The following SCN3A variants were observed in gnomAD, a reference collection of about 807,000 sequenced individuals.
SCN3A encodes the protein sodium channel protein type 3 subunit alpha.
Under a neutral mutation model 187.6 loss-of-function variants are expected in SCN3A, and 60 were observed. The ratio of observed to expected loss-of-function variants is 0.32; its 90% confidence interval spans 0.26 to 0.40. SCN3A has a LOEUF of 0.40. Ranked by LOEUF, SCN3A falls within the 10% of genes least tolerant of loss-of-function variation. The pLI, the probability that SCN3A is intolerant of heterozygous loss-of-function variation, is 1.00. For missense variants in SCN3A, 1,601 were observed against 2,428.2 expected, an observed-to-expected ratio of 0.66 and a Z score of 7.16; for synonymous variants, 788 against 829.2, an observed-to-expected ratio of 0.95 and a Z score of 0.85.
intron 15 of SCN3A, among the ~76,000 whole-genome samples, chr2:165,136,666 G>A (rs923762109): frequency 6.6e-6 from 1 of 152,160 alleles, no homozygotes; most frequent in Non-Finnish European, 1.5e-5. Context: ...CAGCCTTTTT[G>A]GGTAGTTATC....
chr2:165,146,382 A>ATGTGTGTGTGTGTGTG lies in SCN3A; in HGVS notation c.1671+341_1671+356dup, dbSNP rs5836018. Among the ~76,000 whole-genome samples the ATGTGTGTGTGTGTGTG allele has an allele frequency of 1.7e-4, 18 of 107,872 alleles. No individual in the cohort carries two copies. The South Asian group carries it at 5.7e-3, about 34-fold the overall frequency. The allele number at this position is 107,872 out of a possible 152,430, so 70.8% of individuals were successfully genotyped here. On this transcript the variant is annotated intron_variant, in intron 12 of 27. Coordinates refer to ENST00000283254, the MANE Select transcript of SCN3A (RefSeq NM_006922.4). ...GCTAGTGTAGGTTATATATATATATATGTGTGTGTGTGTGTGTGTGTGTGT... is the reference window on the plus strand; with the variant it reads ...GCTAGTGTAGGTTATATATATATATATGTGTGTGTGTGTGTGTGTGTGTGTGTGTGTGTGTGTGTGT...
chr2:165,188,528 G>A (rs903770255), intron 1 of SCN3A, among the ~76,000 whole-genome samples: 5 of 152,108 alleles, frequency 3.3e-5, no homozygotes, highest in Non-Finnish European at 5.9e-5. Flanking sequence ...GGTGGCTCAC[G>A]CCTGTAATCC....
intron 3 of SCN3A, among the ~76,000 whole-genome samples, chr2:165,171,518 G>A (rs1205145566): frequency 6.6e-6 from 1 of 151,992 alleles, no homozygotes; most frequent in Non-Finnish European, 1.5e-5. Flanking sequence ...CCAATTGAAT[G>A]AAAATTTCTG....
intron 16 of SCN3A, among the ~76,000 whole-genome samples, chr2:165,130,702 A>G (rs1242131768): frequency 1.8e-4 from 27 of 152,140 alleles, no homozygotes; most frequent in Admixed American, 1.6e-3. Context: ...AAAGTAAAAT[A>G]ACCTAAATAA....
At chr2:165,108,129 G>A (rs1338748048) in intron 21 of SCN3A, among the ~76,000 whole-genome samples, 1 of 152,098 alleles carries the variant, frequency 6.6e-6, no homozygotes, top group Non-Finnish European at 1.5e-5. Flanking sequence ...TTAAATCAGG[G>A]TAGTAATTTT....
At chr2:165,133,289 C>A (rs1444670912) in intron 15 of SCN3A, among the ~76,000 whole-genome samples, 4 of 152,260 alleles carry the variant, frequency 2.6e-5, no homozygotes, top group Non-Finnish European at 4.4e-5. Flanking sequence ...TGGGTATATA[C>A]CCAAAGGACT....
rs781694110 is a variant in SCN3A at position 165,131,394 on chromosome 2, T to C, written c.2415A>G (p.Ala805=). 3 of 1,605,306 alleles carry C rather than the reference T, an allele frequency of 1.9e-6. No individual in the cohort carries two copies. The highest frequency in any genetic ancestry group is 2.6e-6 in the Non-Finnish European group (3 of 1,174,752). Residue 805 remains alanine (A), a synonymous_variant, in exon 16 of 28, where the codon GCA becomes GCG. Transcript: ENST00000283254. The part of the protein sequence containing the change: ...GNLVFTGIFT[A]EMVLKIIAMD... ...TGGCAATGATCTTGAGAACCATTTCTGCTGTGAAAATCCCAGTAAAGACCT... is the reference window on the plus strand; with the variant it reads ...TGGCAATGATCTTGAGAACCATTTCCGCTGTGAAAATCCCAGTAAAGACCT...
intron 3 of SCN3A, among the ~76,000 whole-genome samples, chr2:165,173,022 G>A (rs1419557430): frequency 6.6e-6 from 1 of 152,156 alleles, no homozygotes; most frequent in East Asian, 1.9e-4. Flanking sequence ...ATGAATAGGG[G>A]AGAGATAGAT....
At chr2:165,182,722 T>C (rs948384760) in intron 2 of SCN3A, among the ~76,000 whole-genome samples, 1 of 152,114 alleles carries the variant, frequency 6.6e-6, no homozygotes, top group African/African-American at 2.4e-5. Flanking sequence ...TTGGAACCTG[T>C]TCAGTTTGAG....
intron 12 of SCN3A, among the ~76,000 whole-genome samples, chr2:165,146,079 T>C (rs994923615): frequency 1.3e-5 from 2 of 152,140 alleles, no homozygotes; most frequent in African/African-American, 4.8e-5. Flanking sequence ...CTACCTTTGA[T>C]GCTGTTCTCT....
chr2:165,172,322 C>A (rs1559260172), intron 3 of SCN3A, among the ~76,000 whole-genome samples: 1 of 152,136 alleles, frequency 6.6e-6, no homozygotes, highest in Non-Finnish European at 1.5e-5. Flanking sequence ...CATTACTTAA[C>A]TAACAATTTT....
intron 5 of SCN3A, among the ~76,000 whole-genome samples, chr2:165,166,912 T>G (rs1449392586): frequency 6.6e-6 from 1 of 151,806 alleles, no homozygotes; most frequent in Non-Finnish European, 1.5e-5. Flanking sequence ...CTTTTTTTTT[T>G]GTTTTGAAAC....
chr2:165,195,731 T>C lies in SCN3A; in HGVS notation c.-248+8092A>G, dbSNP rs374540007. 9.9e-5 allele frequency among the ~76,000 whole-genome samples: 15 copies of C among 152,184 alleles called. No individual in the cohort carries two copies. In the South Asian group the frequency reaches 3.1e-3, roughly 32 times the overall value. ...TAATGGGATATTTAAAAGAAAGGTG[T>C]CTTACAATGACAGGATAATTTTAAG... On this transcript the variant is annotated intron_variant, in intron 1 of 27. Transcript: ENST00000283254.
chr2:165,150,384 A>G (rs1688623138), intron 11 of SCN3A, among the ~76,000 whole-genome samples: 2 of 152,148 alleles, frequency 1.3e-5, no homozygotes, highest in Admixed American at 1.3e-4. Context: ...TAGGTGCACT[A>G]ATTCTGTCTT....
chr2:165,098,817 T>A (rs189981124), intron 22 of SCN3A, among the ~76,000 whole-genome samples: 1 of 152,182 alleles, frequency 6.6e-6, no homozygotes, highest in Non-Finnish European at 1.5e-5. Flanking sequence ...ACTTTGAATA[T>A]TTTTCAGATT....
chr2:165,162,503 A>G, intron 8 of SCN3A, 53 bp downstream of exon 8: 2 of 1,609,562 alleles, frequency 1.2e-6, no homozygotes, highest in East Asian at 2.2e-5. Context: ...AACTATTTAT[A>G]GTTGAAAATT....
In SCN3A at chr2:165,202,167, G is replaced by A. The variant is rs558572159; in HGVS notation, c.-248+1656C>T. ...GTGTTTGATATATCATTTAATCAAA[G>A]CAGGTTTAATTTCCGAAATTTTTGA... On this transcript the variant is annotated intron_variant, in intron 1 of 27. Coordinates refer to ENST00000283254, the MANE Select transcript of SCN3A (RefSeq NM_006922.4). Among the ~76,000 whole-genome samples the A allele has an allele frequency of 3.9e-5, 6 of 152,134 alleles. No individual in the cohort carries two copies. The South Asian group carries it at 6.2e-4, about 16-fold the overall frequency.
At chr2:165,179,307 C>T (rs1041770775) in intron 2 of SCN3A, among the ~76,000 whole-genome samples, 4 of 152,164 alleles carry the variant, frequency 2.6e-5, no homozygotes, top group Non-Finnish European at 4.4e-5. Context: ...ATCATTGAGG[C>T]ACCTCAACAC....
intron 22 of SCN3A, among the ~76,000 whole-genome samples, chr2:165,098,201 A>T (rs1049145047): frequency 1.3e-5 from 2 of 152,204 alleles, no homozygotes; most frequent in African/African-American, 4.8e-5. Context: ...ACCCAGGCTG[A>T]CCTATTTCAT....
Sources: allele counts gnomAD v4.1 joint callset (sites outside exome capture counted in the v4.1 genomes callset), GRCh38; gene constraint gnomAD v4.1.1; transcripts MANE v1.5; gene names NCBI Gene and HGNC (gene_info 2026-07-23, HGNC 2026-07-21).